The following KCNIP4 variants were observed in gnomAD, a reference collection of about 807,000 sequenced individuals.
KCNIP4 encodes the protein potassium voltage-gated channel interacting protein 4, also known as Kv channel-interacting protein 4.
In KCNIP4, 12 loss-of-function variants were observed where a neutral mutation model predicts 34.0. The observed-to-expected ratio is 0.35, with a 90% CI of 0.23 to 0.57. The LOEUF (loss-of-function observed/expected upper bound fraction) is 0.57. Among genes scored for constraint, KCNIP4 ranks in the 20% least tolerant of loss-of-function variants. KCNIP4 has a pLI of 0.83. For synonymous variants in KCNIP4, 124 were observed against 102.2 expected, an observed-to-expected ratio of 1.21 and a Z score of -1.29; for missense variants, 238 against 311.7, an observed-to-expected ratio of 0.76 and a Z score of 1.78.
chr4:21,346,404 T>C (rs116375560), intron 1 of KCNIP4, among the ~76,000 whole-genome samples: 33 of 147,716 alleles, frequency 2.2e-4, no homozygotes, highest in African/African-American at 8.2e-4. Flanking sequence ...CTGGTACTCT[T>C]CATATCATGA....
chr4:20,786,962 A>G (rs1481157161), intron 3 of KCNIP4, among the ~76,000 whole-genome samples: 1 of 152,190 alleles, frequency 6.6e-6, no homozygotes, highest in East Asian at 1.9e-4. Flanking sequence ...ACTGGAAAGA[A>G]GTATAAATAT....
At chr4:21,912,289 G>A (rs1340527750) in intron 1 of KCNIP4, among the ~76,000 whole-genome samples, 1 of 152,146 alleles carries the variant, frequency 6.6e-6, no homozygotes, top group Non-Finnish European at 1.5e-5. Flanking sequence ...GGAAAATGGA[G>A]AATCTGACTG....
chr4:21,316,182 T>A (rs1490740139), intron 1 of KCNIP4: 1 of 152,192 alleles, frequency 6.6e-6, no homozygotes, highest in Admixed American at 6.5e-5. Flanking sequence ...TCAACTACTA[T>A]CCTTTCAAGA....
rs77404651 is a variant in KCNIP4, at chr4:21,465,503, G to A, written c.61+483068C>T. ...CATTATGTCTAGGGCAATGCCCAGT[G>A]TCCTAAGACCACCAGTTGCAACCTC... On this transcript the variant is annotated intron_variant, in intron 1 of 8. Transcript: ENST00000382152. Among the ~76,000 whole-genome samples the A allele has an allele frequency of 6.7e-3, 1,015 of 152,236 alleles. 49 individuals carry two copies. The East Asian group carries it at 0.12, about 18-fold the overall frequency.
At chr4:21,188,409 A>C (rs1292169911) in intron 1 of KCNIP4, among the ~76,000 whole-genome samples, 1 of 152,224 alleles carries the variant, frequency 6.6e-6, no homozygotes, top group African/African-American at 2.4e-5. Flanking sequence ...AAAACATTGA[A>C]TCAAACTGGC....
At chr4:21,045,264 A>G (rs1406728979) in intron 1 of KCNIP4, among the ~76,000 whole-genome samples, 1 of 152,226 alleles carries the variant, frequency 6.6e-6, no homozygotes, top group Non-Finnish European at 1.5e-5. Flanking sequence ...CTCTAAAACC[A>G]AACAATCCTC....
chr4:20,947,930 T>C (rs1362809517), intron 1 of KCNIP4, among the ~76,000 whole-genome samples: 1 of 152,214 alleles, frequency 6.6e-6, no homozygotes, highest in Non-Finnish European at 1.5e-5. Flanking sequence ...CATCACTGAT[T>C]AATGGTATGG....
At chr4:21,688,325 C>T (rs191364245) in intron 1 of KCNIP4, among the ~76,000 whole-genome samples, 3 of 152,236 alleles carry the variant, frequency 2.0e-5, no homozygotes, top group Admixed American at 1.3e-4. Flanking sequence ...ATTAGGAATG[C>T]TGAACCAGTA....
intron 1 of KCNIP4, among the ~76,000 whole-genome samples, chr4:21,193,570 A>C (rs1755835202): frequency 9.6e-6 from 1 of 104,646 alleles, no homozygotes; most frequent in African/African-American, 5.4e-5. Flanking sequence ...TGCAATTTTA[A>C]ATTTTTTTTT....
intron 1 of KCNIP4, among the ~76,000 whole-genome samples, chr4:21,058,262 C>A (rs972862404): frequency 6.6e-6 from 1 of 151,522 alleles, no homozygotes; most frequent in Non-Finnish European, 1.5e-5. Flanking sequence ...GATTGGTGGC[C>A]AAGAATAATA....
intron 1 of KCNIP4, among the ~76,000 whole-genome samples, chr4:21,350,986 T>C (rs1717951725): frequency 6.6e-6 from 1 of 152,192 alleles, no homozygotes; most frequent in East Asian, 1.9e-4. Flanking sequence ...TTATGCTTTA[T>C]GGGTGATTTA....
chr4:20,731,804 C>T (rs915043394), intron 8 of KCNIP4: 1 of 985,264 alleles, frequency 1.0e-6, no homozygotes, highest in African/African-American at 1.7e-5. Context: ...TCCTCCATAG[C>T]CTGACTCAGT....
At chr4:21,921,403 A>G (rs541512088) in intron 1 of KCNIP4, among the ~76,000 whole-genome samples, 4 of 152,308 alleles carry the variant, frequency 2.6e-5, no homozygotes, top group Admixed American at 6.5e-5. Context: ...AAGAAAATAT[A>G]CATTACAAGG....
intron 1 of KCNIP4, among the ~76,000 whole-genome samples, chr4:21,150,551 ATG>A (rs1316624273): frequency 6.6e-6 from 1 of 152,212 alleles, no homozygotes; most frequent in Non-Finnish European, 1.5e-5. Context: ...TTGGGTGATT[ATG>A]TGTGTGTTTG....
At chr4:21,936,820 T>G (rs1729887689) in intron 1 of KCNIP4, among the ~76,000 whole-genome samples, 1 of 152,082 alleles carries the variant, frequency 6.6e-6, no homozygotes, top group African/African-American at 2.4e-5. Context: ...CCCTGTTAGT[T>G]AACAAATATG....
At chr4:20,999,457 ATC>A (rs1737902120) in intron 1 of KCNIP4, among the ~76,000 whole-genome samples, 1 of 45,568 alleles carries the variant, frequency 2.2e-5, no homozygotes, top group Non-Finnish European at 4.5e-5. Flanking sequence ...TTTTTTTTTT[ATC>A]TTGAGAGCAT....
At chr4:20,987,570 G>T (rs1266075844) in intron 1 of KCNIP4, among the ~76,000 whole-genome samples, 9 of 152,240 alleles carry the variant, frequency 5.9e-5, no homozygotes, top group Non-Finnish European at 1.0e-4. Context: ...AAACTAAGGC[G>T]CATTGGGATT....
At chr4:21,143,188 C>T (rs1752097057) in intron 1 of KCNIP4, among the ~76,000 whole-genome samples, 2 of 152,154 alleles carry the variant, frequency 1.3e-5, no homozygotes, top group Non-Finnish European at 1.5e-5. Flanking sequence ...CAGAGATTAT[C>T]TACATAAACT....
At chr4:21,191,064 G>T (rs1477780634) in intron 1 of KCNIP4, among the ~76,000 whole-genome samples, 1 of 152,142 alleles carries the variant, frequency 6.6e-6, no homozygotes, top group Non-Finnish European at 1.5e-5. Context: ...TTTTTTCCAA[G>T]CAAACCCTCT....
Sources: allele counts gnomAD v4.1 joint callset (sites outside exome capture counted in the v4.1 genomes callset), GRCh38; gene constraint gnomAD v4.1.1; transcripts MANE v1.5; gene names NCBI Gene and HGNC (gene_info 2026-07-23, HGNC 2026-07-21).